Variants in MEGF9 observed in about 807,000 individuals in gnomAD.
MEGF9 encodes multiple epidermal growth factor-like domains protein 9.
Under a neutral mutation model 46.8 loss-of-function variants are expected in MEGF9, and 6 were observed. That is an observed-to-expected ratio of 0.13 (90% confidence interval 0.07 to 0.25). The LOEUF is 0.25. Among genes scored for constraint, MEGF9 ranks in the 10% least tolerant of loss-of-function variants. The pLI, the probability that MEGF9 is intolerant of heterozygous loss-of-function variation, is 1.00. For synonymous variants in MEGF9, 302 were observed against 330.7 expected, an observed-to-expected ratio of 0.91 and a Z score of 0.94; for missense variants, 683 against 792.4, an observed-to-expected ratio of 0.86 and a Z score of 1.66.
At chr9:120,682,023 G>C (rs980888393) in intron 1 of MEGF9, among the ~76,000 whole-genome samples, 2 of 152,066 alleles carry the variant, frequency 1.3e-5, no homozygotes, top group African/African-American at 4.8e-5. Flanking sequence ...GAAGATACAA[G>C]GCAAAACAAC....
intron 1 of MEGF9, among the ~76,000 whole-genome samples, chr9:120,688,854 G>A (rs989787500): frequency 1.3e-5 from 2 of 152,180 alleles, no homozygotes; most frequent in African/African-American, 4.8e-5. Context: ...GAATTAGTAT[G>A]AATAGAAGAT....
At chr9:120,611,823 AAAAG>A (rs1178463564) in intron 4 of MEGF9, among the ~76,000 whole-genome samples, 17 of 132,608 alleles carry the variant, frequency 1.3e-4, no homozygotes, top group Non-Finnish European at 1.8e-4. Context: ...AAAAGAAAAG[AAAAG>A]AAAGAAAGGA....
chr9:120,642,047 T>G (rs1359941342), intron 2 of MEGF9, among the ~76,000 whole-genome samples: 1 of 152,198 alleles, frequency 6.6e-6, no homozygotes, highest in Non-Finnish European at 1.5e-5. Flanking sequence ...GCTTTCAGAC[T>G]TCTCACATAT....
At chr9:120,647,108 T>A (rs1445317338) in intron 2 of MEGF9, among the ~76,000 whole-genome samples, 3 of 152,112 alleles carry the variant, frequency 2.0e-5, no homozygotes, top group African/African-American at 7.2e-5. Context: ...CTGTGACATG[T>A]TAATGTTCAC....
chr9:120,680,456 C>A (rs74878598), intron 1 of MEGF9, among the ~76,000 whole-genome samples: 4,219 of 152,188 alleles, frequency 0.028, 222 homozygotes, highest in African/African-American at 0.097. Context: ...TTATTCTTTA[C>A]CCTTACCATC....
Position 120,714,186 on chromosome 9 carries a change from C to T in MEGF9, c.173G>A (p.Gly58Glu). 8.1e-7 allele frequency: 1 copy of T among 1,235,318 alleles called. No homozygotes were observed. Among genetic ancestry groups the T allele is most frequent in the Non-Finnish European group, 1.0e-6 (1 of 990,666 alleles). 76.5% of individuals were successfully genotyped at this position (1,235,318 alleles called of 1,614,324 possible). A position where few individuals can be genotyped will look rare whatever the true frequency, so the allele number is the denominator to read the frequency against. ...GGGGTGGCTGGGCTCGCCCCGCAAC[C>T]CGGGGCCCGGCGACGCGTCCACCTG... ...AGQVDASPGPGLRGEPSHPFP... is the reference protein window; with the variant it reads ...AGQVDASPGPELRGEPSHPFP... The change falls in exon 1 of 6, where the codon GGG becomes GAG. Residue 58 changes from glycine to glutamate, a missense_variant. Physicochemically the swap from Gly to Glu is moderately conservative, Grantham distance 98. This residue lies in a region of MEGF9 where 370 missense variants were observed against 371.3 expected (regional missense o/e 1.00). Coordinates refer to ENST00000373930, the MANE Select transcript of MEGF9 (RefSeq NM_001080497.3).
chr9:120,670,572 T>A (rs1385166049), intron 1 of MEGF9, among the ~76,000 whole-genome samples: 1 of 152,232 alleles, frequency 6.6e-6, no homozygotes, highest in Non-Finnish European at 1.5e-5. Context: ...TTGCCAGCAT[T>A]GGCTATTCCA....
chr9:120,644,072 T>C (rs1415935728), intron 2 of MEGF9, among the ~76,000 whole-genome samples: 2 of 152,190 alleles, frequency 1.3e-5, no homozygotes, highest in Non-Finnish European at 2.9e-5. Context: ...AAATTAACAA[T>C]GGCACAATAC....
chr9:120,649,331 T>C (rs952647011), intron 2 of MEGF9, among the ~76,000 whole-genome samples: 2 of 152,222 alleles, frequency 1.3e-5, no homozygotes, highest in Non-Finnish European at 2.9e-5. Context: ...AGACAAATGA[T>C]TCCCAGTGGA....
At chr9:120,618,732 T>C (rs997460768) in intron 3 of MEGF9, among the ~76,000 whole-genome samples, 3 of 151,950 alleles carry the variant, frequency 2.0e-5, no homozygotes, top group Admixed American at 6.6e-5. Context: ...ACCCCGTGTC[T>C]ACTAAAAATA....
At chr9:120,631,669 G>A (rs2043551309) in intron 2 of MEGF9, among the ~76,000 whole-genome samples, 1 of 151,876 alleles carries the variant, frequency 6.6e-6, no homozygotes, top group African/African-American at 2.4e-5. Flanking sequence ...AATTTTAGTA[G>A]AAATGGGGTT....
intron 2 of MEGF9, among the ~76,000 whole-genome samples, chr9:120,642,657 T>A (rs1201793455): frequency 1.3e-5 from 2 of 152,242 alleles, no homozygotes; most frequent in Middle Eastern, 6.3e-3. Context: ...TCTGTAAAAA[T>A]GTTTCCTTCA....
chr9:120,675,376 A>G (rs1443674911), intron 1 of MEGF9, among the ~76,000 whole-genome samples: 1 of 152,044 alleles, frequency 6.6e-6, no homozygotes, highest in Non-Finnish European at 1.5e-5. Flanking sequence ...CCTTGAGCCC[A>G]GGAGTTCAAT....
intron 1 of MEGF9, among the ~76,000 whole-genome samples, chr9:120,665,014 T>C (rs971718049): frequency 6.6e-6 from 1 of 152,222 alleles, no homozygotes; most frequent in Non-Finnish European, 1.5e-5. Context: ...CATTGTACTA[T>C]GAACATTCAA....
chr9:120,699,964 G>A (rs138666816), intron 1 of MEGF9, among the ~76,000 whole-genome samples: 146 of 152,250 alleles, frequency 9.6e-4, no homozygotes, highest in African/African-American at 3.4e-3. Context: ...TATATTTTGT[G>A]TAAAGAAGCC....
At chr9:120,667,264 T>C (rs1211409298) in intron 1 of MEGF9, among the ~76,000 whole-genome samples, 1 of 152,204 alleles carries the variant, frequency 6.6e-6, no homozygotes, top group African/African-American at 2.4e-5. Context: ...CAGGAAGTTA[T>C]TAATGCTTCA....
chr9:120,614,801 A>C (rs528415129), intron 3 of MEGF9, among the ~76,000 whole-genome samples: 1 of 152,272 alleles, frequency 6.6e-6, no homozygotes, highest in South Asian at 2.1e-4. Flanking sequence ...CTGAAAAAAA[A>C]AAAGCTAACA....
At chr9:120,611,379 T>TG in intron 4 of MEGF9, among the ~76,000 whole-genome samples, 1 of 152,104 alleles carries the variant, frequency 6.6e-6, no homozygotes, top group Admixed American at 6.5e-5. Flanking sequence ...AGCAATGAAA[T>TG]GGGGTATAAC....
chr9:120,713,828 G>T lies in MEGF9; in HGVS notation c.531C>A (p.Leu177=). The T allele has an allele frequency of 1.5e-6, 2 of 1,301,990 alleles. No homozygotes were observed. The highest frequency in any genetic ancestry group is 9.8e-7 in the Non-Finnish European group (1 of 1,023,540). 80.7% of individuals were successfully genotyped at this position (1,301,990 alleles called of 1,614,324 possible). The change falls in exon 1 of 6, where the codon CTC becomes CTA. Residue 177 remains leucine (L), a synonymous_variant. Transcript: ENST00000373930. ...GGACGCTGCTGTTGCTGCTGCTGGG[G>T]AGATCGGGGGTCGGGGTCCGGGGAG... The part of the protein sequence containing the change: ...PTTPRTPTPD[L]PSSSNSSVLP...
Sources: gnomAD v4.1 joint callset for allele counts (sites outside exome capture counted in the v4.1 genomes callset) on GRCh38, gnomAD v4.1.1 for gene constraint, gnomAD v4.1.1 regional missense constraint, MANE v1.5 for transcripts, NCBI Gene and HGNC (gene_info 2026-07-23, HGNC 2026-07-21) for gene names.